The following FMNL2 variants were observed in gnomAD, a reference collection of about 807,000 sequenced individuals.
The protein encoded by FMNL2 is formin like 2.
FMNL2 carries 51 observed loss-of-function variants against 130.2 expected under a neutral mutation model. The ratio of observed to expected loss-of-function variants is 0.39; its 90% CI spans 0.31 to 0.49. The LOEUF (loss-of-function observed/expected upper bound fraction) is 0.49, where lower values mean the gene tolerates loss of function less well. Ranked by LOEUF, FMNL2 falls within the 20% of genes least tolerant of loss-of-function variation. FMNL2 has a pLI of 0.85. For missense variants in FMNL2, 977 were observed against 1,316.2 expected, an observed-to-expected ratio of 0.74 and a Z score of 3.99; for synonymous variants, 465 against 467.1, an observed-to-expected ratio of 1.00 and a Z score of 0.06.
rs1699121750 is a variant in FMNL2, at chr2:152,619,493, C to A, written c.1628-16C>A. On this transcript the variant is annotated splice_polypyrimidine_tract_variant and intron_variant, in intron 14 of 25. Coordinates refer to ENST00000288670, the MANE Select transcript of FMNL2 (RefSeq NM_052905.4). ...CCGTATTTTCAAAGTCCATCTGTTT[C>A]TTTTTTCTTTGCTAGTGCAAAATGG... 2 of 1,549,700 alleles carry A rather than the reference C, an allele frequency of 1.3e-6. No individual in the cohort carries two copies. The highest frequency in any genetic ancestry group is 1.7e-6 in the Non-Finnish European group (2 of 1,146,882).
At chr2:152,436,254 C>T (rs764360795) in intron 1 of FMNL2, among the ~76,000 whole-genome samples, 9 of 152,080 alleles carry the variant, frequency 5.9e-5, no homozygotes, top group Non-Finnish European at 1.3e-4. Context: ...CAGCCTCCAC[C>T]TCCCAGGCTC....
chr2:152,506,721 G>A (rs187710597), intron 1 of FMNL2, among the ~76,000 whole-genome samples: 31 of 152,156 alleles, frequency 2.0e-4, no homozygotes, highest in African/African-American at 7.0e-4. Flanking sequence ...TTTTCATGGT[G>A]CCTCCTAGAC....
At chr2:152,350,428 CTT>C (rs1397987886) in intron 1 of FMNL2, among the ~76,000 whole-genome samples, 2 of 152,140 alleles carry the variant, frequency 1.3e-5, no homozygotes, top group Non-Finnish European at 2.9e-5. Context: ...AGTTCTGCCT[CTT>C]GTTAAATTCA....
At chr2:152,566,166 G>A (rs961357273) in intron 6 of FMNL2, among the ~76,000 whole-genome samples, 1 of 152,206 alleles carries the variant, frequency 6.6e-6, no homozygotes, top group Non-Finnish European at 1.5e-5. Context: ...TTTACGTGAA[G>A]AGATGAAGAA....
At chr2:152,443,402 G>T (rs1416390009) in intron 1 of FMNL2, among the ~76,000 whole-genome samples, 2 of 141,344 alleles carry the variant, frequency 1.4e-5, no homozygotes, top group Non-Finnish European at 3.0e-5. Context: ...AGGAAGGTAG[G>T]TGAGAAGAGC....
intron 2 of FMNL2, among the ~76,000 whole-genome samples, chr2:152,537,021 A>G (rs1401706705): frequency 6.6e-6 from 1 of 152,136 alleles, no homozygotes; most frequent in Non-Finnish European, 1.5e-5. Context: ...TTTACACAGA[A>G]AGGCTTTCAA....
chr2:152,369,990 G>A (rs552009422), intron 1 of FMNL2, among the ~76,000 whole-genome samples: 1 of 152,132 alleles, frequency 6.6e-6, no homozygotes, highest in Non-Finnish European at 1.5e-5. Context: ...GAAGCCTATA[G>A]GGAAGAAGGG....
intron 6 of FMNL2, among the ~76,000 whole-genome samples, chr2:152,562,759 TCTGAAGAATTTC>T (rs1695600714): frequency 6.6e-6 from 1 of 152,192 alleles, no homozygotes; most frequent in South Asian, 2.1e-4. Flanking sequence ...AGGCTAATTG[TCTGAAGAATTTC>T]CTGATCACCT....
chr2:152,516,264 T>A (rs1042243734), intron 1 of FMNL2, among the ~76,000 whole-genome samples: 1 of 152,154 alleles, frequency 6.6e-6, no homozygotes, highest in South Asian at 2.1e-4. Context: ...AAGTATAAAC[T>A]TAAAAATGGT....
chr2:152,434,275 G>A (rs1209074788), intron 1 of FMNL2, among the ~76,000 whole-genome samples: 1 of 152,138 alleles, frequency 6.6e-6, no homozygotes, highest in South Asian at 2.1e-4. Flanking sequence ...GAATTTCCAC[G>A]TTAGGTCAGG....
chr2:152,390,054 A>C, intron 1 of FMNL2: 1 of 1,581,612 alleles, frequency 6.3e-7, no homozygotes, highest in Non-Finnish European at 8.7e-7. Flanking sequence ...CAAGAACGGC[A>C]GCCTTGACTC....
intron 1 of FMNL2, among the ~76,000 whole-genome samples, chr2:152,388,010 C>T (rs1684881521): frequency 6.6e-6 from 1 of 152,056 alleles, no homozygotes; most frequent in Admixed American, 6.5e-5. Flanking sequence ...CATTGTCCTG[C>T]TGATAATTAG....
intron 2 of FMNL2, among the ~76,000 whole-genome samples, chr2:152,540,377 G>A (rs1399243159): frequency 6.6e-6 from 1 of 152,084 alleles, no homozygotes; most frequent in African/African-American, 2.4e-5. Flanking sequence ...CACTAGAGAT[G>A]TTGAATAGTT....
intron 7 of FMNL2, among the ~76,000 whole-genome samples, chr2:152,577,349 C>G (rs1249849722): frequency 1.3e-5 from 2 of 152,158 alleles, no homozygotes; most frequent in Non-Finnish European, 2.9e-5. Context: ...ATTAGGAATT[C>G]TGTTTCGGGG....
At chr2:152,645,436 T>C in intron 25 of FMNL2, 3 of 1,288,484 alleles carry the variant, frequency 2.3e-6, no homozygotes, top group Non-Finnish European at 3.0e-6. Context: ...CTGTTTAGCC[T>C]TAAAGAAGAA....
At chr2:152,575,351 C>A (rs1579997135) in intron 7 of FMNL2, 107 bp downstream of exon 7, 1 of 575,760 alleles carries the variant, frequency 1.7e-6, no homozygotes, top group Non-Finnish European at 2.9e-6. Flanking sequence ...CAATAAAAGC[C>A]CAGACTTCAT....
chr2:152,582,764 C>G (rs923386064), intron 9 of FMNL2, among the ~76,000 whole-genome samples: 4 of 152,022 alleles, frequency 2.6e-5, no homozygotes, highest in Non-Finnish European at 5.9e-5. Context: ...ATATAACGCC[C>G]AAATCTTTAT....
chr2:152,359,636 A>G lies in FMNL2; in HGVS notation c.117+23916A>G, dbSNP rs558647758. ...TCTTGGCTTCTATACTGATTATTCA[A>G]TCTGTCTTTGATCTTTTGGTGGGAG... On this transcript the variant is annotated intron_variant, in intron 1 of 25. Transcript: ENST00000288670. Among the ~76,000 whole-genome samples the G allele has an allele frequency of 9.2e-5, 14 of 152,210 alleles. No individual in the cohort carries two copies. In the East Asian group the frequency reaches 1.4e-3, roughly 15 times the overall value.
Position 152,408,864 on chromosome 2 carries a change from G to A in FMNL2, c.117+73144G>A, listed in dbSNP as rs148095291. ...TTATGGTTTCTACTGAATATATATC[G>A]CTTTTGCACCATTGTAAAATTGGAA... On this transcript the variant is annotated intron_variant, in intron 1 of 25. Transcript: ENST00000288670. Among the ~76,000 whole-genome samples, 249 of 152,164 alleles carry A rather than the reference G, an allele frequency of 1.6e-3. 1 individual carries two copies. Among genetic ancestry groups the A allele is most frequent in the African/African-American group, 5.7e-3 (237 of 41,518 alleles).
Sources: gnomAD v4.1 joint callset for allele counts (sites outside exome capture counted in the v4.1 genomes callset) on GRCh38, gnomAD v4.1.1 for gene constraint, MANE v1.5 for transcripts, NCBI Gene and HGNC (gene_info 2026-07-23, HGNC 2026-07-21) for gene names.